Variants in BAD observed in about 807,000 individuals in gnomAD.
BAD encodes bcl2-associated agonist of cell death.
A neutral mutation model predicts 17.8 loss-of-function variants in BAD; 18 were observed. The observed-to-expected ratio is 1.01, with a 90% CI of 0.70 to 1.50. The LOEUF (loss-of-function observed/expected upper bound fraction) is 1.50. BAD is among the 40% of genes most tolerant of loss of function. The probability of loss-of-function intolerance (pLI) is 0.00; values close to 1 mark genes in which losing one functional copy is unlikely to be tolerated. For missense variants in BAD, 294 were observed against 239.3 expected, an observed-to-expected ratio of 1.23 and a Z score of -1.51; for synonymous variants, 112 against 91.5, an observed-to-expected ratio of 1.22 and a Z score of -1.28.
Position 64,280,044 on chromosome 11 carries a change from G to A in BAD, c.187+4138C>T, listed in dbSNP as rs373907756. Among the ~76,000 whole-genome samples the A allele has an allele frequency of 3.2e-3, 479 of 151,668 alleles. 2 individuals carry two copies. The highest frequency in any genetic ancestry group is 4.7e-3 in the Non-Finnish European group (322 of 67,892). On this transcript the variant is annotated intron_variant, in intron 2 of 3. Transcript: ENST00000309032. ...AAAATTAATAATAATTTGGCCAGGC[G>A]CGGTGGCTCACGCCTGTAATCCCAG...
intron 2 of BAD, chr11:64,276,781 G>A: frequency 6.4e-6 from 4 of 627,360 alleles, no homozygotes. Flanking sequence ...CCTTGGGTGT[G>A]AACGTGGGTG....
chr11:64,281,220 A>G (rs2033448113), intron 2 of BAD, among the ~76,000 whole-genome samples: 1 of 150,464 alleles, frequency 6.6e-6, no homozygotes, highest in African/African-American at 2.5e-5. Flanking sequence ...CCCACCTCGA[A>G]CTACCAAAGT....
chr11:64,275,424 C>T (rs1256003040), intron 2 of BAD, among the ~76,000 whole-genome samples: 1 of 152,170 alleles, frequency 6.6e-6, no homozygotes, highest in African/African-American at 2.4e-5. Flanking sequence ...TTAGCCCATT[C>T]TCCAACCCTT....
chr11:64,272,833 C>T (rs1229479912), intron 2 of BAD: 1 of 152,278 alleles, frequency 6.6e-6, no homozygotes, highest in Non-Finnish European at 1.5e-5. Flanking sequence ...TCTAGCCAGC[C>T]TTCGACTCTC....
intron 2 of BAD, among the ~76,000 whole-genome samples, chr11:64,283,553 T>A (rs538827542): frequency 1.1e-4 from 16 of 152,346 alleles, no homozygotes; most frequent in Non-Finnish European, 2.9e-5. Flanking sequence ...CCCTGGCCAC[T>A]GTGCCAGGAC....
chr11:64,276,450 C>T (rs1216332066), intron 2 of BAD: 1 of 154,136 alleles, frequency 6.5e-6, no homozygotes, highest in Non-Finnish European at 1.4e-5. Flanking sequence ...CCTCAGCCTC[C>T]TGGGTAGCTG....
chr11:64,275,596 A>G (rs2033001191), intron 2 of BAD: 1 of 152,130 alleles, frequency 6.6e-6, no homozygotes, highest in Non-Finnish European at 1.5e-5. Context: ...TGTACAGATG[A>G]GGAAACAGAG....
At chr11:64,273,223 ATTAG>A (rs748946864) in intron 2 of BAD, among the ~76,000 whole-genome samples, 4 of 152,062 alleles carry the variant, frequency 2.6e-5, no homozygotes, top group Non-Finnish European at 5.9e-5. Flanking sequence ...AAATACAAAA[ATTAG>A]TTAGGTGTGG....
intron 2 of BAD, among the ~76,000 whole-genome samples, chr11:64,275,954 G>C (rs2033025683): frequency 6.6e-6 from 1 of 152,140 alleles, no homozygotes; most frequent in Non-Finnish European, 1.5e-5. Flanking sequence ...CTAAGGCAGA[G>C]AGCATAGGTA....
In BAD at chr11:64,270,875, C is replaced by T. The variant is rs183223034; in HGVS notation, c.379-538G>A. The stretch of plus-strand genomic sequence containing the variant: ...GCTTTGGCCTGGAGTGGGATCTAGA[C>T]TACAGATCCCAGCATGCCCTGTGAG... On this transcript the variant is annotated intron_variant, in intron 3 of 3. Coordinates refer to ENST00000309032, the MANE Select transcript of BAD (RefSeq NM_032989.3). 5.2e-4 allele frequency among the ~76,000 whole-genome samples: 76 copies of T among 145,590 alleles called. No homozygotes were observed. The East Asian group carries it at 0.015, about 29-fold the overall frequency.
intron 2 of BAD, among the ~76,000 whole-genome samples, chr11:64,279,253 C>A (rs546275915): frequency 1.3e-5 from 2 of 151,980 alleles, no homozygotes; most frequent in African/African-American, 4.8e-5. Flanking sequence ...GTGGATCATG[C>A]CCCCGGGACC....
intron 2 of BAD, chr11:64,272,646 C>T (rs532842876): frequency 6.6e-6 from 1 of 152,336 alleles, no homozygotes; most frequent in Admixed American, 6.5e-5. Context: ...TTATTATCCT[C>T]CTAACCACCC....
rs1565344065 is a variant in BAD at position 64,270,936 on chromosome 11, T to G, written c.379-599A>C. 3.2e-5 allele frequency among the ~76,000 whole-genome samples: 2 copies of G among 63,126 alleles called. 1 individual carries two copies. Among genetic ancestry groups the G allele is most frequent in the Non-Finnish European group, 6.7e-5 (2 of 29,914 alleles). The allele number at this position is 63,126 out of a possible 152,430, so 41.4% of individuals were successfully genotyped here. ...ACACACACACACACACACACACGCCTGGAGTGGGATCTAGACTACAGATCC... is the reference window on the plus strand; with the variant it reads ...ACACACACACACACACACACACGCCGGGAGTGGGATCTAGACTACAGATCC... On this transcript the variant is annotated intron_variant, in intron 3 of 3. Transcript: ENST00000309032.
At chr11:64,281,315 C>T (rs1462414429) in intron 2 of BAD, among the ~76,000 whole-genome samples, 1 of 152,142 alleles carries the variant, frequency 6.6e-6, no homozygotes, top group Non-Finnish European at 1.5e-5. Context: ...CTCTCTTTCC[C>T]TCGCACCCCA....
chr11:64,275,008 A>AAAAAAAAG (rs2032951719), intron 2 of BAD, among the ~76,000 whole-genome samples: 1 of 150,538 alleles, frequency 6.6e-6, no homozygotes, highest in African/African-American at 2.4e-5. Flanking sequence ...AAAAAAAAAA[A>AAAAAAAAG]AAAAAAAGCG....
rs765272640 is a variant in BAD, at chr11:64,270,061, C to A, written c.*148G>T. On this transcript the variant is annotated 3_prime_UTR_variant, in exon 4 of 4. Transcript: ENST00000309032. ...AAGCCTTCCGTGGCTTCACACGCAC[C>A]GGAAGGGAATCTGGGTCAGCCCTCC... is the stretch of plus-strand genomic sequence containing the variant. 2.2e-6 allele frequency: 3 copies of A among 1,392,360 alleles called. No homozygotes were observed. The highest frequency in any genetic ancestry group is 1.4e-5 in the African/African-American group (1 of 69,462). The allele number at this position is 1,392,360 out of a possible 1,614,324, so 86.3% of individuals were successfully genotyped here. A position where few individuals can be genotyped will look rare whatever the true frequency, so the allele number is the denominator to read the frequency against.
intron 2 of BAD, among the ~76,000 whole-genome samples, chr11:64,283,599 G>T (rs115085280): frequency 0.085 from 12,919 of 152,286 alleles, 1,563 homozygotes; most frequent in African/African-American, 0.26. Flanking sequence ...GGGCAAGAAA[G>T]AACACATCTG....
At chr11:64,284,156 G>A in intron 2 of BAD, 26 bp downstream of exon 2, 1 of 1,545,526 alleles carries the variant, frequency 6.5e-7, no homozygotes, top group African/African-American at 1.4e-5. Flanking sequence ...AGGTGTCCCG[G>A]CAGGTGGAGG....
intron 2 of BAD, among the ~76,000 whole-genome samples, chr11:64,281,167 C>A (rs1280538395): frequency 6.6e-6 from 1 of 152,148 alleles, no homozygotes; most frequent in Non-Finnish European, 1.5e-5. Flanking sequence ...CGGGGTTCAC[C>A]GTGTTAGCCA....
Sources: gnomAD v4.1 joint callset for allele counts (sites outside exome capture counted in the v4.1 genomes callset) on GRCh38, gnomAD v4.1.1 for gene constraint, MANE v1.5 for transcripts, NCBI Gene and HGNC (gene_info 2026-07-23, HGNC 2026-07-21) for gene names.